The following FOXP1 variants were observed in gnomAD, a reference collection of about 807,000 sequenced individuals.
FOXP1 encodes forkhead box protein P1.
In FOXP1, 15 loss-of-function variants were observed where a neutral mutation model predicts 98.2. That is an observed-to-expected ratio of 0.15 (90% confidence interval 0.10 to 0.24). The LOEUF (loss-of-function observed/expected upper bound fraction) is 0.24, where lower values mean the gene tolerates loss of function less well. Among genes scored for constraint, FOXP1 ranks in the 10% least tolerant of loss-of-function variants. The probability of loss-of-function intolerance (pLI) is 1.00; values close to 1 mark genes in which losing one functional copy is unlikely to be tolerated. For synonymous variants in FOXP1, 371 were observed against 314.5 expected (o/e 1.18, Z -1.90); for missense variants, 633 against 848.5 (o/e 0.75, Z 3.15).
chr3:71,536,065 G>A (rs762682281), intron 2 of FOXP1, among the ~76,000 whole-genome samples: 1 of 152,118 alleles, frequency 6.6e-6, no homozygotes, highest in Non-Finnish European at 1.5e-5. Flanking sequence ...TGCAGGGAGG[G>A]AGAGCAAAAT....
At chr3:71,356,608 T>G (rs2078177916) in intron 4 of FOXP1, among the ~76,000 whole-genome samples, 1 of 152,130 alleles carries the variant, frequency 6.6e-6, no homozygotes, top group South Asian at 2.1e-4. Context: ...CTCTTCAGAG[T>G]GAGCTGGCTT....
At chr3:71,356,110 C>G (rs1451413493) in intron 4 of FOXP1, among the ~76,000 whole-genome samples, 3 of 151,290 alleles carry the variant, frequency 2.0e-5, no homozygotes, top group Non-Finnish European at 4.4e-5. Flanking sequence ...TAACATCAGC[C>G]TGCACGAGCG....
intron 8 of FOXP1, 50 bp downstream of exon 8, chr3:71,053,586 G>A (rs772473301): frequency 1.2e-6 from 2 of 1,611,004 alleles, no homozygotes; most frequent in African/African-American, 2.7e-5. Flanking sequence ...AGTGATGGGG[G>A]CCCCTGGGTT....
chr3:71,283,537 C>A (rs2071788364), intron 5 of FOXP1, among the ~76,000 whole-genome samples: 1 of 152,088 alleles, frequency 6.6e-6, no homozygotes, highest in Non-Finnish European at 1.5e-5. Flanking sequence ...CAGGGAGACT[C>A]CTGAAGGGAT....
chr3:70,965,659 C>T (rs934797213), intron 20 of FOXP1, among the ~76,000 whole-genome samples: 1 of 152,138 alleles, frequency 6.6e-6, no homozygotes, highest in African/African-American at 2.4e-5. Context: ...AAAAAGCAAA[C>T]CTGTTTCTCA....
chr3:71,249,703 A>C (rs576861956), intron 5 of FOXP1, among the ~76,000 whole-genome samples: 1 of 152,338 alleles, frequency 6.6e-6, no homozygotes, highest in South Asian at 2.1e-4. Context: ...AGTACAAGCC[A>C]ATCCACTATA....
chr3:71,213,926 G>A (rs554074467), intron 5 of FOXP1, among the ~76,000 whole-genome samples: 1 of 152,356 alleles, frequency 6.6e-6, no homozygotes, highest in East Asian at 1.9e-4. Flanking sequence ...GGTGCAGTGG[G>A]TTCCAATCAG....
chr3:71,173,055 C>A (rs1469035016), intron 6 of FOXP1, among the ~76,000 whole-genome samples: 2 of 152,140 alleles, frequency 1.3e-5, no homozygotes, highest in Non-Finnish European at 2.9e-5. Flanking sequence ...AAACCTCTAT[C>A]AACATTCTCA....
intron 5 of FOXP1, among the ~76,000 whole-genome samples, chr3:71,250,207 GA>G (rs2068072151): frequency 6.6e-6 from 1 of 152,154 alleles, no homozygotes; most frequent in Non-Finnish European, 1.5e-5. Context: ...CCGCATTCGT[GA>G]CCTCCAAAAA....
chr3:71,214,689 G>C (rs2064782808), intron 5 of FOXP1, among the ~76,000 whole-genome samples: 2 of 152,126 alleles, frequency 1.3e-5, no homozygotes. Context: ...CTAAATACCT[G>C]AGTTAAGATT....
At chr3:71,320,456 G>A (rs1310030993) in intron 4 of FOXP1, among the ~76,000 whole-genome samples, 3 of 151,878 alleles carry the variant, frequency 2.0e-5, no homozygotes, top group East Asian at 3.9e-4. Flanking sequence ...CCACCGTATT[G>A]CTCTGCCCTC....
At chr3:71,176,537 T>C (rs541076615) in intron 6 of FOXP1, among the ~76,000 whole-genome samples, 1 of 152,008 alleles carries the variant, frequency 6.6e-6, no homozygotes, top group Non-Finnish European at 1.5e-5. Context: ...GCTGCAAACG[T>C]CACCACCAGA....
At chr3:71,126,344 C>T (rs2593855) in intron 6 of FOXP1, among the ~76,000 whole-genome samples, 45,824 of 149,140 alleles carry the variant, frequency 0.31, 7,735 homozygotes, top group East Asian at 0.6. Flanking sequence ...AAAAAATTAG[C>T]CAGGCGTGGT....
chr3:71,183,544 A>G (rs1252258023), intron 6 of FOXP1, among the ~76,000 whole-genome samples: 2 of 152,180 alleles, frequency 1.3e-5, no homozygotes, highest in African/African-American at 4.8e-5. Flanking sequence ...ATGTTTGCAG[A>G]CAATTTACCA....
chr3:71,426,589 G>A (rs74899465), intron 3 of FOXP1, among the ~76,000 whole-genome samples: 3,551 of 152,234 alleles, frequency 0.023, 124 homozygotes, highest in South Asian at 0.087. Flanking sequence ...CAGGGAAAGT[G>A]CTAGAGTTTT....
At chr3:71,420,310 T>C (rs1421402037) in intron 3 of FOXP1, among the ~76,000 whole-genome samples, 1 of 152,228 alleles carries the variant, frequency 6.6e-6, no homozygotes, top group South Asian at 2.1e-4. Flanking sequence ...TGACAAGCAA[T>C]GGTCTAGCCA....
intron 13 of FOXP1, among the ~76,000 whole-genome samples, chr3:70,996,920 G>C (rs1034833380): frequency 1.3e-5 from 2 of 152,188 alleles, no homozygotes; most frequent in African/African-American, 2.4e-5. Context: ...CTAATACAGT[G>C]ATCATCCCCC....
At chr3:71,072,062 C>G (rs2053309222) in intron 7 of FOXP1, among the ~76,000 whole-genome samples, 1 of 152,174 alleles carries the variant, frequency 6.6e-6, no homozygotes, top group Non-Finnish European at 1.5e-5. Context: ...TGACTCATGC[C>G]TGTAATCCCA....
At chr3:71,250,611 G>A (rs1231588909) in intron 5 of FOXP1, among the ~76,000 whole-genome samples, 2 of 152,090 alleles carry the variant, frequency 1.3e-5, no homozygotes, top group Non-Finnish European at 1.5e-5. Context: ...TCTTCTCAAC[G>A]GAAATTAATA....
Sources: allele counts gnomAD v4.1 joint callset (sites outside exome capture counted in the v4.1 genomes callset), GRCh38; gene constraint gnomAD v4.1.1; transcripts MANE v1.5; gene names NCBI Gene and HGNC (gene_info 2026-07-23, HGNC 2026-07-21).